ATP6AP2: variants seen among roughly 807,000 people sequenced by gnomAD.
ATP6AP2 encodes ATPase H+ transporting accessory protein 2.
ATP6AP2 carries 1 observed loss-of-function variant against 23.4 expected under a neutral mutation model. The observed-to-expected ratio is 0.04, with a 90% CI of 0.02 to 0.20. The LOEUF is 0.20. Ranked by LOEUF, ATP6AP2 falls within the 10% of genes least tolerant of loss-of-function variation. The pLI, the probability that ATP6AP2 is intolerant of heterozygous loss-of-function variation, is 1.00. For synonymous variants in ATP6AP2, 90 were observed against 97.1 expected, an observed-to-expected ratio of 0.93 and a Z score of 0.43; for missense variants, 174 against 271.3, an observed-to-expected ratio of 0.64 and a Z score of 2.52.
rs1330343383 is a variant in ATP6AP2 at position 40,600,703 on chromosome X, T to C, written c.739-59T>C. ...AATATATATGATTTTAATTTGTTAA[T>C]TAAAAATGAAAAAAGTACATAGTTG... On this transcript the variant is annotated intron_variant, in intron 7 of 8. Coordinates refer to ENST00000636580, the MANE Select transcript of ATP6AP2 (RefSeq NM_005765.3). 6 of 1,110,204 alleles carry C rather than the reference T, an allele frequency of 5.4e-6. No homozygotes were observed. The Admixed American group carries it at 1.5e-4, about 27-fold the overall frequency. The allele number at this position is 1,110,204 out of a possible 1,213,427, so 91.5% of individuals were successfully genotyped here.
chrX:40,590,111 C>T (rs1449279272), intron 2 of ATP6AP2: 3 of 111,635 alleles, frequency 2.7e-5, no homozygotes, highest in Admixed American at 1.9e-4. Context: ...CTGCATGACT[C>T]ACTGCAGCCT....
chrX:40,591,602 T>G (rs753784123), intron 3 of ATP6AP2: 1 of 365,049 alleles, frequency 2.7e-6, no homozygotes, highest in Admixed American at 4.5e-5. Flanking sequence ...ATAGAGAAAT[T>G]GCCCCACTCA....
chrX:40,590,951 A>T, intron 2 of ATP6AP2: 1 of 286,701 alleles, frequency 3.5e-6, no homozygotes, highest in East Asian at 7.4e-5. Context: ...AAAGGTACCT[A>T]TGTTTTGTTT....
intron 8 of ATP6AP2, among the ~76,000 whole-genome samples, chrX:40,602,705 A>G (rs1926956279): frequency 9.4e-6 from 1 of 106,164 alleles, no homozygotes; most frequent in African/African-American, 3.4e-5. Flanking sequence ...GATATTTGCC[A>G]GCTGGGTCAC....
chrX:40,597,239 T>C lies in ATP6AP2; in HGVS notation c.301-10T>C, dbSNP rs749077028. On this transcript the variant is annotated splice_polypyrimidine_tract_variant and intron_variant, in intron 3 of 8. Transcript: ENST00000636580. ...CACATAATAATTGCGTTCTTACTCT[T>C]AAATTTCAGGCAGTTCCTTTTAGTC... is the stretch of plus-strand genomic sequence containing the variant. 3 of 1,169,774 alleles carry C rather than the reference T, an allele frequency of 2.6e-6. No homozygotes were observed. In the South Asian group the frequency reaches 5.4e-5, roughly 21 times the overall value.
intron 3 of ATP6AP2, chrX:40,597,016 A>G: frequency 2.6e-6 from 1 of 384,972 alleles, no homozygotes; most frequent in South Asian, 3.9e-5. Flanking sequence ...TGTGTCCATC[A>G]GGTTTAAGTT....
Position 40,605,692 on chromosome X carries a change from C to T in ATP6AP2, c.990C>T (p.Asn330=). Residue 330 remains asparagine, a synonymous_variant, in exon 9 of 9, where the codon AAC becomes AAT. Coordinates refer to ENST00000636580, the MANE Select transcript of ATP6AP2 (RefSeq NM_005765.3). ...TTATCACCTCTTACAATATTTGGAA[C>T]ATGGATCCTGGATATGATAGCATCA... The part of the protein sequence containing the change: ...AVIITSYNIW[N]MDPGYDSIIY... The T allele has an allele frequency of 8.3e-7, 1 of 1,209,069 alleles. No individual in the cohort carries two copies. The highest frequency in any genetic ancestry group is 1.1e-6 in the Non-Finnish European group (1 of 893,155).
At chrX:40,594,523 A>G (rs1348815917) in intron 3 of ATP6AP2, among the ~76,000 whole-genome samples, 1 of 112,648 alleles carries the variant, frequency 8.9e-6, no homozygotes, top group Non-Finnish European at 1.9e-5. Context: ...TGATATAACT[A>G]TTGGGTAAGA....
At chrX:40,591,404 A>G in intron 3 of ATP6AP2, 39 bp downstream of exon 3, 1 of 1,177,524 alleles carries the variant, frequency 8.5e-7, no homozygotes, top group Non-Finnish European at 1.1e-6. Context: ...GATGCATTTT[A>G]CATTTTCCCT....
chrX:40,600,940 A>AAC (rs1926890086), intron 8 of ATP6AP2, 59 bp downstream of exon 8: 11 of 1,126,277 alleles, frequency 9.8e-6, no homozygotes, highest in Non-Finnish European at 1.2e-5. Flanking sequence ...ATAAAAAAAA[A>AAC]AAAACCAAGT....
chrX:40,599,565 C>T (rs1926852350), intron 6 of ATP6AP2, 27 bp from the exon 7 acceptor site: 2 of 1,208,350 alleles, frequency 1.7e-6, no homozygotes, highest in Non-Finnish European at 2.2e-6. Flanking sequence ...TATCCGCTAC[C>T]TTTTTTTGTT....
intron 6 of ATP6AP2, 32 bp downstream of exon 6, chrX:40,598,766 T>C (rs1190753024): frequency 8.6e-7 from 1 of 1,167,818 alleles, no homozygotes; most frequent in Non-Finnish European, 1.2e-6. Flanking sequence ...TTTAATTCCA[T>C]TTATTTTGGT....
At chrX:40,593,551 G>C (rs759253709) in intron 3 of ATP6AP2, among the ~76,000 whole-genome samples, 6 of 109,481 alleles carry the variant, frequency 5.5e-5, no homozygotes, top group African/African-American at 1.7e-4. Context: ...CTGTCGCCCA[G>C]GTTGGAGTGC....
chrX:40,594,545 G>A (rs1408614824), intron 3 of ATP6AP2, among the ~76,000 whole-genome samples: 1 of 112,822 alleles, frequency 8.9e-6, no homozygotes, highest in Non-Finnish European at 1.9e-5. Context: ...TGGGGAGATA[G>A]AAACAGAAGC....
rs1239526802 is a variant in ATP6AP2, at chrX:40,591,370, GTATT to G, written c.300+10_300+13del. On this transcript the variant is annotated splice_donor_region_variant and intron_variant, in intron 3 of 8. Coordinates refer to ENST00000636580, the MANE Select transcript of ATP6AP2 (RefSeq NM_005765.3). Reference sequence around the variant, plus strand: ...ATTTCGTACCCTTTGGAGAATGTGAGTATTTATTATAAAAAATTAAAGGGATGCA... The same window carrying G: ...ATTTCGTACCCTTTGGAGAATGTGAGTATTATAAAAAATTAAAGGGATGCA... The G allele has an allele frequency of 4.1e-6, 5 of 1,208,839 alleles. No individual in the cohort carries two copies. Among genetic ancestry groups the G allele is most frequent in the Non-Finnish European group, 5.6e-6 (5 of 893,551 alleles).
intron 3 of ATP6AP2, among the ~76,000 whole-genome samples, chrX:40,592,833 T>G (rs1926667761): frequency 9.0e-6 from 1 of 110,818 alleles, no homozygotes; most frequent in Admixed American, 9.7e-5. Flanking sequence ...TTAGAAAAAA[T>G]TACTGTGCAG....
At position 40,605,871 on chromosome X, in the gene ATP6AP2, A is replaced by G. The variant is rs1216493712; in HGVS notation, c.*116A>G. ...ACTTTACATTTATAAAAAAAAATCA[A>G]ATTTTGTTCTTTATTTTGTGTGTGC... On this transcript the variant is annotated 3_prime_UTR_variant, in exon 9 of 9. Coordinates refer to ENST00000636580, the MANE Select transcript of ATP6AP2 (RefSeq NM_005765.3). 5 of 676,897 alleles carry G rather than the reference A, an allele frequency of 7.4e-6. No individual in the cohort carries two copies. In the African/African-American group the frequency reaches 1.1e-4, roughly 15 times the overall value. 55.8% of individuals were successfully genotyped at this position (676,897 alleles called of 1,213,427 possible).
rs866122254 is a variant in ATP6AP2, at chrX:40,600,945, C to A, written c.858+64C>A. 1.1e-4 allele frequency: 53 copies of A among 502,052 alleles called. 1 individual carries two copies. Among genetic ancestry groups the A allele is most frequent in the Admixed American group, 4.3e-4 (14 of 32,248 alleles). The allele number at this position is 502,052 out of a possible 1,213,427, so 41.4% of individuals were successfully genotyped here. On this transcript the variant is annotated intron_variant, in intron 8 of 8. Transcript: ENST00000636580. ...TTAACTTCTTATAAAAAAAAAAAAA[C>A]CAAGTCCTATATCACCTAAGGGTGA... is the stretch of plus-strand genomic sequence containing the variant.
chrX:40,598,581 A>G (rs1926829167), intron 5 of ATP6AP2, 100 bp from the exon 6 acceptor site: 2 of 778,775 alleles, frequency 2.6e-6, no homozygotes, highest in Non-Finnish European at 3.9e-6. Flanking sequence ...CACTTATATG[A>G]TCAACATTTG....
Sources: allele counts gnomAD v4.1 joint callset (sites outside exome capture counted in the v4.1 genomes callset), GRCh38; gene constraint gnomAD v4.1.1; transcripts MANE v1.5; gene names NCBI Gene and HGNC (gene_info 2026-07-23, HGNC 2026-07-21).